FUT8: variants seen among roughly 807,000 people sequenced by gnomAD.
FUT8 encodes the protein fucosyltransferase 8, also known as alpha-(1,6)-fucosyltransferase.
A neutral mutation model predicts 71.3 loss-of-function variants in FUT8; 29 were observed. The ratio of observed to expected loss-of-function variants is 0.41; its 90% confidence interval spans 0.30 to 0.55. The LOEUF is 0.55. Among genes scored for constraint, FUT8 ranks in the 20% least tolerant of loss-of-function variants. The probability of loss-of-function intolerance (pLI) is 0.34; values close to 1 mark genes in which losing one functional copy is unlikely to be tolerated. For missense variants in FUT8, 544 were observed against 702.1 expected (o/e 0.77, Z 2.55); for synonymous variants, 254 against 239.3 (o/e 1.06, Z -0.57).
the FUT8 span, among the ~76,000 whole-genome samples, chr14:65,381,501 TGTG>T: frequency 2.0e-5 from 3 of 152,224 alleles, no homozygotes; most frequent in South Asian, 6.2e-4. Context: ...AATGAGGTAA[TGTG>T]GTAAAATTTC....
chr14:65,596,351 T>C (rs1887978074), intron 3 of FUT8, among the ~76,000 whole-genome samples: 1 of 152,266 alleles, frequency 6.6e-6, no homozygotes, highest in Non-Finnish European at 1.5e-5. Flanking sequence ...TTAAACATAC[T>C]TATTAATCAT....
intron 10 of FUT8, among the ~76,000 whole-genome samples, chr14:65,734,181 A>C: frequency 6.6e-6 from 1 of 152,226 alleles, no homozygotes; most frequent in Admixed American, 6.5e-5. Flanking sequence ...CTAATAAGCA[A>C]AATACACACA....
intron 2 of FUT8, among the ~76,000 whole-genome samples, chr14:65,536,407 T>C (rs1178203104): frequency 1.3e-5 from 2 of 152,226 alleles, no homozygotes; most frequent in Non-Finnish European, 2.9e-5. Flanking sequence ...TTCCTTTCCA[T>C]ATTTAGTGCT....
rs568597039 is a variant in FUT8, at chr14:65,424,955, C to T, written c.-326+11741C>T. Among the ~76,000 whole-genome samples the T allele has an allele frequency of 3.3e-5, 5 of 151,068 alleles. No homozygotes were observed. In the South Asian group the frequency reaches 1.0e-3, roughly 32 times the overall value. The stretch of plus-strand genomic sequence containing the variant: ...CTGGGATTACAGGTGTGAGCCACTG[C>T]ACATGGCCTACTTTTTTGATATTTC... On this transcript the variant is annotated intron_variant, in intron 1 of 10. Transcript: ENST00000673929.
upstream of FUT8, among the ~76,000 whole-genome samples, chr14:65,406,520 G>A (rs868066511): frequency 1.1e-4 from 16 of 151,770 alleles, no homozygotes; most frequent in South Asian, 4.2e-4. Context: ...TTTTCTTTTC[G>A]TCTCTCGCTC....
intron 2 of FUT8, among the ~76,000 whole-genome samples, chr14:65,524,247 A>G (rs139123479): frequency 6.6e-6 from 1 of 151,966 alleles, no homozygotes; most frequent in African/African-American, 2.4e-5. Flanking sequence ...CTTTTATTTC[A>G]TTGAGCAGTG....
the FUT8 span, among the ~76,000 whole-genome samples, chr14:65,394,085 T>A: frequency 6.6e-6 from 1 of 152,200 alleles, no homozygotes; most frequent in Non-Finnish European, 1.5e-5. Context: ...GCCTCCCACG[T>A]AGCTGGGATT....
At chr14:65,633,684 A>T (rs1030442534) in intron 6 of FUT8, among the ~76,000 whole-genome samples, 7 of 150,264 alleles carry the variant, frequency 4.7e-5, no homozygotes, top group Non-Finnish European at 8.9e-5. Context: ...CCCGTCTGGG[A>T]GGTGAGGAGC....
the FUT8 span, among the ~76,000 whole-genome samples, chr14:65,374,822 G>A: frequency 3.3e-5 from 5 of 151,394 alleles, no homozygotes; most frequent in African/African-American, 4.9e-5. Context: ...GGCTGGTCTC[G>A]AACTCCTGAC....
intron 7 of FUT8, among the ~76,000 whole-genome samples, chr14:65,687,691 C>T (rs530906589): frequency 6.7e-6 from 1 of 148,438 alleles, no homozygotes; most frequent in Non-Finnish European, 1.5e-5. Flanking sequence ...CCCCTATATA[C>T]CCCCCACTCC....
chr14:65,547,604 T>A (rs1020949343), intron 2 of FUT8, among the ~76,000 whole-genome samples: 1 of 151,864 alleles, frequency 6.6e-6, no homozygotes, highest in Admixed American at 6.6e-5. Flanking sequence ...CACAATCATT[T>A]CTTTCAGCCT....
At chr14:65,708,788 C>T (rs956852372) in intron 7 of FUT8, among the ~76,000 whole-genome samples, 5 of 152,016 alleles carry the variant, frequency 3.3e-5, no homozygotes, top group Admixed American at 6.6e-5. Flanking sequence ...TATCTAAAAA[C>T]GTTGATCTCA....
intron 2 of FUT8, among the ~76,000 whole-genome samples, chr14:65,519,251 A>T (rs1194746183): frequency 1.3e-5 from 2 of 152,130 alleles, no homozygotes; most frequent in Non-Finnish European, 2.9e-5. Flanking sequence ...TAATATGGAG[A>T]CTACTTAAGT....
At chr14:65,374,277 G>A in the FUT8 span, among the ~76,000 whole-genome samples, 1 of 152,122 alleles carries the variant, frequency 6.6e-6, no homozygotes, top group African/African-American at 2.4e-5. Flanking sequence ...ATGTTTCACT[G>A]GACAATAATG....
At chr14:65,585,017 C>A (rs1566835806) in intron 3 of FUT8, among the ~76,000 whole-genome samples, 1 of 138,496 alleles carries the variant, frequency 7.2e-6, no homozygotes, top group East Asian at 2.3e-4. Flanking sequence ...ATTGTTTATA[C>A]ATTTCTTGAT....
At chr14:65,494,234 A>G (rs1443896011) in intron 2 of FUT8, among the ~76,000 whole-genome samples, 1 of 152,202 alleles carries the variant, frequency 6.6e-6, no homozygotes, top group Non-Finnish European at 1.5e-5. Flanking sequence ...AAATATTTCA[A>G]CAACTAATCA....
chr14:65,525,269 A>G (rs952666279), intron 2 of FUT8, among the ~76,000 whole-genome samples: 2 of 152,118 alleles, frequency 1.3e-5, no homozygotes, highest in East Asian at 1.9e-4. Context: ...CAGAGATTCA[A>G]CTTCTTCCTG....
At position 65,561,588 on chromosome 14, in the gene FUT8, C is replaced by T. The variant is rs1173480077; in HGVS notation, c.25C>T (p.Arg9Cys). 26 of 1,613,226 alleles carry T rather than the reference C, an allele frequency of 1.6e-5. No homozygotes were observed. Among genetic ancestry groups the T allele is most frequent in the Middle Eastern group, 1.6e-4 (1 of 6,064 alleles). Residue 9 changes from arginine (R) to cysteine (C), a missense_variant, in exon 3 of 11, where the codon CGT becomes TGT. Arg to Cys is a radical substitution (Grantham distance 180). Transcript: ENST00000673929. The stretch of plus-strand genomic sequence containing the variant: ...AATGCGGCCATGGACTGGTTCCTGG[C>T]GTTGGATTATGCTCATTCTTTTTGC... MRPWTGSW[R>C]WIMLILFAWG...
chr14:65,725,074 C>T (rs1005451404), intron 9 of FUT8, among the ~76,000 whole-genome samples: 4 of 152,200 alleles, frequency 2.6e-5, no homozygotes. Flanking sequence ...TCTTCATTAA[C>T]AGTTACAGAC....
Sources: gnomAD v4.1 joint callset for allele counts (sites outside exome capture counted in the v4.1 genomes callset) on GRCh38, gnomAD v4.1.1 for gene constraint, MANE v1.5 for transcripts, NCBI Gene and HGNC (gene_info 2026-07-23, HGNC 2026-07-21) for gene names.